Variants in PHLDB1 observed in about 807,000 individuals in gnomAD.
PHLDB1 encodes the protein pleckstrin homology-like domain family B member 1.
A neutral mutation model predicts 139.3 loss-of-function variants in PHLDB1; 65 were observed. The observed-to-expected ratio is 0.47, with a 90% confidence interval of 0.38 to 0.57. PHLDB1 has a LOEUF of 0.57. Among genes scored for constraint, PHLDB1 ranks in the 20% least tolerant of loss-of-function variants. The pLI is 0.00. For missense variants in PHLDB1, 1,624 were observed against 1,839.7 expected, an observed-to-expected ratio of 0.88 and a Z score of 2.14; for synonymous variants, 679 against 734.5, an observed-to-expected ratio of 0.92 and a Z score of 1.22.
At chr11:118,655,940 C>T in intron 22 of PHLDB1, 48 bp downstream of exon 22, 1 of 1,346,320 alleles carries the variant, frequency 7.4e-7, no homozygotes, top group African/African-American at 1.4e-5. Context: ...ACCTCCTGTA[C>T]CCCACTCATC....
At chr11:118,628,725 G>C in intron 6 of PHLDB1, 75 bp downstream of exon 6, 1 of 1,419,162 alleles carries the variant, frequency 7.0e-7, no homozygotes, top group Non-Finnish European at 9.4e-7. Context: ...CCAGCTGGCA[G>C]AGCAGGAGAG....
rs117461601 is a variant in PHLDB1, at chr11:118,655,261, A to G, written c.3875-344A>G. The G allele has an allele frequency of 2.1e-3, 398 of 193,098 alleles. 11 individuals are homozygous for G. The East Asian group carries it at 0.039, about 19-fold the overall frequency. The allele number at this position is 193,098 out of a possible 1,614,324, so 12.0% of individuals were successfully genotyped here. ...TTTGATAGACATGGCCAAATTGTTC[A>G]TAAGGGTTTTACCAATTTATACTCC... On this transcript the variant is annotated intron_variant, in intron 20 of 22. Coordinates refer to ENST00000600882, the MANE Select transcript of PHLDB1 (RefSeq NM_001144758.3).
Position 118,620,103 on chromosome 11 carries a change from C to G in PHLDB1, c.355+3892C>G, listed in dbSNP as rs1297968758. ...GTCAGGCTGTGTGAGCTGCTGAGAG[C>G]ATAAAACATTGTGTCCCGTAAGGCT... On this transcript the variant is annotated intron_variant, in intron 4 of 22. Coordinates refer to ENST00000600882, the MANE Select transcript of PHLDB1 (RefSeq NM_001144758.3). This position sits in a 1 kb window ranked among gnomAD's most constrained non-coding sequence, Gnocchi z 4.1. Among the ~76,000 whole-genome samples, 1 of 152,162 alleles carries G rather than the reference C, an allele frequency of 6.6e-6. No homozygotes were observed. The highest frequency in any genetic ancestry group is 1.5e-5 in the Non-Finnish European group (1 of 68,016).
chr11:118,607,229 A>G (rs1232420101), upstream of PHLDB1, among the ~76,000 whole-genome samples: 1 of 149,748 alleles, frequency 6.7e-6, no homozygotes, highest in Non-Finnish European at 1.5e-5. Flanking sequence ...GGGGAGGGAG[A>G]ACGGATTGTC....
intron 20 of PHLDB1, chr11:118,652,952 A>G (rs1269567669): frequency 6.6e-6 from 1 of 152,488 alleles, no homozygotes; most frequent in African/African-American, 2.4e-5. Flanking sequence ...GACATTCACA[A>G]GCAGGAGGTG....
chr11:118,617,461 A>C (rs1555090644), intron 4 of PHLDB1, among the ~76,000 whole-genome samples: 1 of 151,682 alleles, frequency 6.6e-6, no homozygotes, highest in African/African-American at 2.4e-5. Context: ...AGGAGACCTG[A>C]CATTTCCCCC....
At chr11:118,641,334 C>T (rs782433930) in intron 12 of PHLDB1, 13 of 173,570 alleles carry the variant, frequency 7.5e-5, no homozygotes, top group Non-Finnish European at 1.3e-4. Flanking sequence ...GGTCTGTGTT[C>T]GACAGTGAGG....
intron 6 of PHLDB1, 51 bp downstream of exon 6, chr11:118,628,701 A>AT (rs1555107133): frequency 5.8e-6 from 9 of 1,539,816 alleles, no homozygotes; most frequent in South Asian, 1.2e-5. Flanking sequence ...AGTCTCTGCC[A>AT]GGGCTCGAGC....
rs138933284 is a variant in PHLDB1 at position 118,620,340 on chromosome 11, A to T, written c.355+4129A>T. On this transcript the variant is annotated intron_variant, in intron 4 of 22. Coordinates refer to ENST00000600882, the MANE Select transcript of PHLDB1 (RefSeq NM_001144758.3). The surrounding 1 kb of genome is among the most constrained non-coding windows in gnomAD (Gnocchi z 4.1). ...AAACCCCATCTCTACTAAAAATACA[A>T]AATTTGCTGGGTGTGTGGTGGCGCA... 6.6e-6 allele frequency among the ~76,000 whole-genome samples: 1 copy of T among 152,312 alleles called. No individual in the cohort carries two copies. Among genetic ancestry groups the T allele is most frequent in the African/African-American group, 2.4e-5 (1 of 41,562 alleles).
intron 15 of PHLDB1, 137 bp downstream of exon 15, chr11:118,644,311 G>C: frequency 1.5e-6 from 1 of 654,882 alleles, no homozygotes; most frequent in East Asian, 2.7e-5. Context: ...AGGATTTAGA[G>C]TGGGTACCTA....
chr11:118,649,135 C>T (rs1334714655), intron 18 of PHLDB1, among the ~76,000 whole-genome samples: 1 of 152,078 alleles, frequency 6.6e-6, no homozygotes, highest in East Asian at 1.9e-4. Flanking sequence ...CAAAAATTAG[C>T]TGGGCGTGGT....
intron 22 of PHLDB1, among the ~76,000 whole-genome samples, chr11:118,656,187 C>CA (rs1949041925): frequency 6.6e-6 from 1 of 152,128 alleles, no homozygotes; most frequent in East Asian, 1.9e-4. Flanking sequence ...AATTGATAAA[C>CA]AGGAGATATT....
In PHLDB1 at chr11:118,655,650, T is replaced by C; in HGVS notation, c.3920T>C (p.Ile1307Thr). The change falls in exon 21 of 23, where the codon ATT becomes ACT. Residue 1307 changes from isoleucine (I) to threonine (T), a missense_variant. Transcript: ENST00000600882. ...KLKGVIYFQA[I>T]EEVYYDHLRS... ...AAGGGAGTCATCTATTTCCAGGCCA[T>C]TGAGGAAGTGTACTACGACCACCTG... 1 of 1,613,366 alleles carries C rather than the reference T, an allele frequency of 6.2e-7. No individual in the cohort carries two copies. Among genetic ancestry groups the C allele is most frequent in the Admixed American group, 1.7e-5 (1 of 59,992 alleles).
At chr11:118,629,928 C>G in intron 6 of PHLDB1, 1 of 1,059,000 alleles carries the variant, frequency 9.4e-7, no homozygotes, top group Non-Finnish European at 1.3e-6. Flanking sequence ...TTGGAGGCTG[C>G]CCGCCCTGCC....
intron 12 of PHLDB1, chr11:118,641,783 A>T (rs1197614934): frequency 1.3e-5 from 17 of 1,287,378 alleles, no homozygotes; most frequent in Admixed American, 4.6e-5. Context: ...CCTTCACCTA[A>T]GGTTGGTGGT....
chr11:118,643,428 G>A (rs1382451102), intron 13 of PHLDB1: 2 of 722,686 alleles, frequency 2.8e-6, no homozygotes, highest in Admixed American at 6.3e-5. Context: ...CCCAGAGTAG[G>A]GAGGTGTGTG....
intron 12 of PHLDB1, chr11:118,641,811 C>A: frequency 7.8e-7 from 1 of 1,276,720 alleles, no homozygotes; most frequent in Non-Finnish European, 1.0e-6. Context: ...TTCTTGCTAC[C>A]CCCACCCATG....
intron 6 of PHLDB1, among the ~76,000 whole-genome samples, chr11:118,630,251 C>T (rs1555108731): frequency 6.6e-6 from 1 of 152,102 alleles, no homozygotes; most frequent in East Asian, 1.9e-4. Flanking sequence ...CGGGAAAAGG[C>T]AACAAAGACC....
rs782694723 is a variant in PHLDB1, at chr11:118,642,351, C to A, written c.2834C>A (p.Ser945Tyr). ...GTGPAAASPH[S>Y]SPPPLPAKAS... ...GGCCCCGCTGCAGCCTCCCCTCACT[C>A]TTCTCCCCCGCCTCTGCCCGCCAAA... Residue 945 changes from serine to tyrosine, a missense_variant, in exon 13 of 23, where the codon TCT becomes TAT. Physicochemically the swap from Ser to Tyr is moderately radical, Grantham distance 144. Coordinates refer to ENST00000600882, the MANE Select transcript of PHLDB1 (RefSeq NM_001144758.3). The A allele has an allele frequency of 1.2e-6, 2 of 1,611,038 alleles. No homozygotes were observed. The highest frequency in any genetic ancestry group is 1.3e-5 in the African/African-American group (1 of 75,038).
Sources: allele counts gnomAD v4.1 joint callset (sites outside exome capture counted in the v4.1 genomes callset), GRCh38; gene constraint gnomAD v4.1.1; non-coding constraint Gnocchi (gnomAD v3.1); transcripts MANE v1.5; gene names NCBI Gene and HGNC (gene_info 2026-07-23, HGNC 2026-07-21).